ANGPT4: variants seen among roughly 807,000 people sequenced by gnomAD.
ANGPT4 encodes angiopoietin 4.
Under a neutral mutation model 53.0 loss-of-function variants are expected in ANGPT4, and 50 were observed. The ratio of observed to expected loss-of-function variants is 0.94; its 90% confidence interval spans 0.75 to 1.20. ANGPT4 has a LOEUF of 1.20. Among genes scored for constraint, ANGPT4 ranks in the 50% most tolerant of loss-of-function variants. ANGPT4 has a pLI of 0.00. For missense variants in ANGPT4, 648 were observed against 637.1 expected, an observed-to-expected ratio of 1.02 and a Z score of -0.18; for synonymous variants, 251 against 259.7, an observed-to-expected ratio of 0.97 and a Z score of 0.32.
At chr20:890,766 C>T (rs1056623764) in intron 1 of ANGPT4, among the ~76,000 whole-genome samples, 2 of 152,176 alleles carry the variant, frequency 1.3e-5, no homozygotes, top group African/African-American at 2.4e-5. Flanking sequence ...ACTCTCATTC[C>T]TCTCCTATTC....
intron 1 of ANGPT4, among the ~76,000 whole-genome samples, chr20:896,833 A>C (rs571745024): frequency 1.3e-5 from 2 of 152,274 alleles, no homozygotes; most frequent in East Asian, 3.9e-4. Flanking sequence ...TTACATAATG[A>C]ACGCATGATA....
At chr20:909,306 T>C (rs1445983190) in intron 1 of ANGPT4, among the ~76,000 whole-genome samples, 1 of 152,148 alleles carries the variant, frequency 6.6e-6, no homozygotes, top group Non-Finnish European at 1.5e-5. Context: ...AATAGTAGCA[T>C]CTCCTGGTTC....
At position 911,872 on chromosome 20, in the gene ANGPT4, G is replaced by C. The variant is rs1435899031; in HGVS notation, c.309+4034C>G. 8.6e-6 allele frequency among the ~76,000 whole-genome samples: 1 copy of C among 116,134 alleles called. No individual in the cohort carries two copies. The highest frequency in any genetic ancestry group is 2.4e-4 in the East Asian group (1 of 4,140). The allele number at this position is 116,134 out of a possible 152,430, so 76.2% of individuals were successfully genotyped here. ...AGAGAGAGGGAGAGAGAGACAGAGA[G>C]AGGGAGAAAGAGACAGAGACAGACA... On this transcript the variant is annotated intron_variant, in intron 1 of 8. Coordinates refer to ENST00000381922, the MANE Select transcript of ANGPT4 (RefSeq NM_015985.4). This position sits in a 1 kb window ranked among gnomAD's most constrained non-coding sequence, Gnocchi z 4.9.
intron 1 of ANGPT4, among the ~76,000 whole-genome samples, chr20:895,768 C>T (rs1590870): frequency 0.14 from 20,543 of 152,086 alleles, 1,487 homozygotes; most frequent in Middle Eastern, 0.26. Context: ...TGCAAACACA[C>T]AGATGAACCT....
rs1390467440 is a variant in ANGPT4, at chr20:885,466, C to T, written c.588-141G>A. ...GAACGTCCTGTGCCCACTGTAGGCA[C>T]AGATTGAGGAGGGGAGAAAAGAGAT... On this transcript the variant is annotated intron_variant, in intron 3 of 8. Coordinates refer to ENST00000381922, the MANE Select transcript of ANGPT4 (RefSeq NM_015985.4). 3.2e-6 allele frequency: 4 copies of T among 1,263,238 alleles called. No individual in the cohort carries two copies. In the South Asian group the frequency reaches 6.3e-5, roughly 20 times the overall value. 78.3% of individuals were successfully genotyped at this position (1,263,238 alleles called of 1,614,324 possible).
intron 4 of ANGPT4, 130 bp downstream of exon 4, chr20:884,948 C>T: frequency 7.8e-7 from 1 of 1,286,482 alleles, no homozygotes. Context: ...GTTTCTATTT[C>T]ACAGATGGTC....
chr20:881,422 G>T, intron 4 of ANGPT4, 136 bp from the exon 5 acceptor site: 1 of 745,032 alleles, frequency 1.3e-6, no homozygotes, highest in Non-Finnish European at 2.3e-6. Context: ...TCAGACCTGG[G>T]AAGATTTCGT....
intron 2 of ANGPT4, among the ~76,000 whole-genome samples, chr20:889,367 A>G (rs1264804959): frequency 1.3e-5 from 2 of 152,226 alleles, no homozygotes; most frequent in Non-Finnish European, 2.9e-5. Context: ...TCTAGATGGT[A>G]TAGCCGCCTG....
At chr20:880,047 C>T (rs1231939096) in intron 5 of ANGPT4, among the ~76,000 whole-genome samples, 199 bp from the exon 6 acceptor site, 1 of 152,186 alleles carries the variant, frequency 6.6e-6, no homozygotes, top group Non-Finnish European at 1.5e-5. Context: ...TAAGGAATGA[C>T]CTCTCAGAGC....
In ANGPT4 at chr20:874,310, C is replaced by A. The variant is rs1981071014; in HGVS notation, c.1325G>T (p.Cys442Phe). 1.9e-6 allele frequency: 3 copies of A among 1,614,098 alleles called. No homozygotes were observed. The African/African-American group carries it at 4.0e-5, about 22-fold the overall frequency. Residue 442 changes from cysteine (C) to phenylalanine (F), a missense_variant, in exon 8 of 9, where the codon TGC (cysteine) becomes TTC (phenylalanine). Transcript: ENST00000381922. The part of the protein sequence containing the change: ...TLDSDNDHCL[C>F]KCAQVMSGGW... ...TCCAGACATCACTTGGGCACACTTG[C>A]AGAGACAGTGGTCGTTGTCTGAGTC...
At chr20:896,144 C>A (rs1385710212) in intron 1 of ANGPT4, among the ~76,000 whole-genome samples, 1 of 152,114 alleles carries the variant, frequency 6.6e-6, no homozygotes, top group Non-Finnish European at 1.5e-5. Flanking sequence ...TCCAGTGAAC[C>A]CCCTCACCCT....
At chr20:877,645 G>A (rs1981219761) in intron 7 of ANGPT4, among the ~76,000 whole-genome samples, 2 of 152,214 alleles carry the variant, frequency 1.3e-5, no homozygotes, top group Admixed American at 1.3e-4. Context: ...TGAGGAAGGG[G>A]TGAGAAACCT....
At chr20:910,129 T>A (rs207477297) in intron 1 of ANGPT4, among the ~76,000 whole-genome samples, 1 of 152,214 alleles carries the variant, frequency 6.6e-6, no homozygotes, top group Non-Finnish European at 1.5e-5. Flanking sequence ...CGGCATCAGA[T>A]GGCTGAATCT....
Position 869,944 on chromosome 20 carries a change from G to A in ANGPT4, c.*3016C>T, listed in dbSNP as rs976558603. The A allele has an allele frequency of 2.0e-5, 3 of 152,330 alleles. No homozygotes were observed. Among genetic ancestry groups the A allele is most frequent in the Admixed American group, 6.5e-5 (1 of 15,276 alleles). The allele number at this position is 152,330 out of a possible 1,614,324, so 9.4% of individuals were successfully genotyped here. A position where few individuals can be genotyped will look rare whatever the true frequency, so the allele number is the denominator to read the frequency against. On this transcript the variant is annotated 3_prime_UTR_variant, in exon 9 of 9. Transcript: ENST00000381922. Reference sequence around the variant, plus strand: ...CTTTACTGGAATCATGGAGACGAGGGAGCTCCCCGGGTCAGGGATGCTGAG... The same window carrying A: ...CTTTACTGGAATCATGGAGACGAGGAAGCTCCCCGGGTCAGGGATGCTGAG...
At chr20:899,583 T>A (rs570009703) in intron 1 of ANGPT4, among the ~76,000 whole-genome samples, 15 of 152,224 alleles carry the variant, frequency 9.9e-5, no homozygotes, top group Non-Finnish European at 1.5e-4. Flanking sequence ...CACTCTTTTT[T>A]AATTATCCCC....
rs781131096 is a variant in ANGPT4, at chr20:885,335, AG to A, written c.588-11del. ...CCGCTTCTCGAGCGCGCTGCGGGGT[AG>A]GGGGCGCACAGAGGTGAGCCTGGCA... On this transcript the variant is annotated splice_polypyrimidine_tract_variant and intron_variant, in intron 3 of 8. Transcript: ENST00000381922. The A allele has an allele frequency of 8.9e-6, 14 of 1,572,174 alleles. No individual in the cohort carries two copies. In the Admixed American group the frequency reaches 1.8e-4, roughly 20 times the overall value.
intron 3 of ANGPT4, among the ~76,000 whole-genome samples, chr20:887,962 C>T (rs957553552): frequency 3.9e-5 from 6 of 151,970 alleles, no homozygotes; most frequent in African/African-American, 9.7e-5. Context: ...ATGCCTATCC[C>T]CTGTCCCACC....
rs1316803137 is a variant in ANGPT4, at chr20:911,731, C to G, written c.309+4175G>C. On this transcript the variant is annotated intron_variant, in intron 1 of 8. Coordinates refer to ENST00000381922, the MANE Select transcript of ANGPT4 (RefSeq NM_015985.4). The surrounding 1 kb of genome is among the most constrained non-coding windows in gnomAD (Gnocchi z 4.9). ...TTGGAAGACTGAGGCGGGAGGATCG[C>G]TTGAGCTCAGGAGTTCAAGGCTGCA... Among the ~76,000 whole-genome samples, 1 of 152,090 alleles carries G rather than the reference C, an allele frequency of 6.6e-6. No homozygotes were observed. The highest frequency in any genetic ancestry group is 1.5e-5 in the Non-Finnish European group (1 of 68,010).
rs1980894484 is a variant in ANGPT4, at chr20:870,413, C to CA, written c.*2546dup. ...GCGTGGTGGTAGGCGTCTGTAATCCCATTACTCAGGAGGCTGAGGTAGGAG... is the reference window on the plus strand; with the variant it reads ...GCGTGGTGGTAGGCGTCTGTAATCCCAATTACTCAGGAGGCTGAGGTAGGAG... On this transcript the variant is annotated 3_prime_UTR_variant, in exon 9 of 9. Coordinates refer to ENST00000381922, the MANE Select transcript of ANGPT4 (RefSeq NM_015985.4). 1 of 147,728 alleles carries CA rather than the reference C, an allele frequency of 6.8e-6. No homozygotes were observed. The highest frequency in any genetic ancestry group is 2.1e-4 in the South Asian group (1 of 4,656). 9.2% of individuals were successfully genotyped at this position (147,728 alleles called of 1,614,324 possible).
Sources: gnomAD v4.1 joint callset for allele counts (sites outside exome capture counted in the v4.1 genomes callset) on GRCh38, gnomAD v4.1.1 for gene constraint, Gnocchi (gnomAD v3.1) non-coding constraint, MANE v1.5 for transcripts, NCBI Gene and HGNC (gene_info 2026-07-23, HGNC 2026-07-21) for gene names.